PLCL1: variants seen among roughly 807,000 people sequenced by gnomAD.
PLCL1 encodes the protein inactive phospholipase C-like protein 1.
In PLCL1, 41 loss-of-function variants were observed where a neutral mutation model predicts 84.4. The observed-to-expected ratio is 0.49, with a 90% CI of 0.38 to 0.63. The LOEUF (loss-of-function observed/expected upper bound fraction) is 0.63. Among genes scored for constraint, PLCL1 ranks in the 30% least tolerant of loss-of-function variants. PLCL1 has a pLI of 0.00. For synonymous variants in PLCL1, 490 were observed against 488.3 expected, an observed-to-expected ratio of 1.00 and a Z score of -0.05; for missense variants, 1,206 against 1,367.8, an observed-to-expected ratio of 0.88 and a Z score of 1.87.
At chr2:197,850,934 C>A (rs1482120675) in intron 1 of PLCL1, among the ~76,000 whole-genome samples, 1 of 152,176 alleles carries the variant, frequency 6.6e-6, no homozygotes, top group African/African-American at 2.4e-5. Flanking sequence ...CAAACATTAT[C>A]ACAAACTTTC....
At chr2:197,950,317 C>T (rs1164400689) in intron 1 of PLCL1, among the ~76,000 whole-genome samples, 1 of 152,130 alleles carries the variant, frequency 6.6e-6, no homozygotes, top group Non-Finnish European at 1.5e-5. Context: ...ACCAGTTCTT[C>T]AGTTCCACAG....
chr2:197,911,449 GAA>G (rs1688483817), intron 1 of PLCL1, among the ~76,000 whole-genome samples: 1 of 152,032 alleles, frequency 6.6e-6, no homozygotes, highest in Non-Finnish European at 1.5e-5. Context: ...GGGAATATCT[GAA>G]AATCAAGTTT....
intron 5 of PLCL1, among the ~76,000 whole-genome samples, chr2:198,128,343 C>T (rs1003139037): frequency 1.3e-5 from 2 of 152,058 alleles, no homozygotes; most frequent in African/African-American, 4.8e-5. Flanking sequence ...AAGAATAATT[C>T]GCACAGAGCC....
intron 1 of PLCL1, among the ~76,000 whole-genome samples, chr2:197,922,591 G>C (rs1358366072): frequency 7.2e-6 from 1 of 138,890 alleles, no homozygotes; most frequent in Non-Finnish European, 1.6e-5. Context: ...AGGGGCAGCC[G>C]GGCAGAGGCG....
chr2:197,866,110 ATATATATATATAAAC>A lies in PLCL1; in HGVS notation c.240+60784_240+60798del, dbSNP rs1559029481. On this transcript the variant is annotated intron_variant, in intron 1 of 5. Coordinates refer to ENST00000428675, the MANE Select transcript of PLCL1 (RefSeq NM_006226.4). ...TATAAACTATATATATATATAAACT[ATATATATATATAAAC>A]TATATATATATATAAACTATATATA... Among the ~76,000 whole-genome samples the A allele has an allele frequency of 4.4e-4, 18 of 40,648 alleles. 3 individuals carry two copies. In the East Asian group the frequency reaches 6.8e-3, roughly 15 times the overall value. 26.7% of individuals were successfully genotyped at this position (40,648 alleles called of 152,430 possible). A position where few individuals can be genotyped will look rare whatever the true frequency, so the allele number is the denominator to read the frequency against.
At chr2:197,833,829 T>C (rs1691123545) in intron 1 of PLCL1, among the ~76,000 whole-genome samples, 1 of 152,148 alleles carries the variant, frequency 6.6e-6, no homozygotes, top group Admixed American at 6.5e-5. Context: ...AAATTTCATA[T>C]GGAACCAAAA....
chr2:197,851,489 T>C (rs1687235550), intron 1 of PLCL1, among the ~76,000 whole-genome samples: 1 of 152,230 alleles, frequency 6.6e-6, no homozygotes, highest in Non-Finnish European at 1.5e-5. Flanking sequence ...CAGTGGTCTT[T>C]ATTTGAAGAA....
intron 1 of PLCL1, among the ~76,000 whole-genome samples, chr2:197,973,264 T>G (rs771911728): frequency 9.8e-5 from 15 of 152,324 alleles, no homozygotes; most frequent in Non-Finnish European, 2.1e-4. Context: ...CCACCGTCTT[T>G]CCTTATGGGC....
At chr2:197,940,447 T>C (rs1034011460) in intron 1 of PLCL1, among the ~76,000 whole-genome samples, 19 of 152,236 alleles carry the variant, frequency 1.2e-4, no homozygotes, top group Admixed American at 1.1e-3. Flanking sequence ...TAGACTTTCC[T>C]TTCCAGATGA....
chr2:198,105,353 C>T (rs1322228218), intron 5 of PLCL1, among the ~76,000 whole-genome samples: 1 of 151,908 alleles, frequency 6.6e-6, no homozygotes, highest in Admixed American at 6.6e-5. Flanking sequence ...TCTGAGCTCT[C>T]TATTCTGTTC....
chr2:197,850,228 G>A (rs1257684551), intron 1 of PLCL1, among the ~76,000 whole-genome samples: 1 of 152,156 alleles, frequency 6.6e-6, no homozygotes, highest in Non-Finnish European at 1.5e-5. Flanking sequence ...TGCTCTAACT[G>A]TTTTGTTTTA....
intron 1 of PLCL1, among the ~76,000 whole-genome samples, chr2:197,817,450 AT>A (rs537750779): frequency 4.3e-4 from 65 of 151,666 alleles, no homozygotes; most frequent in Non-Finnish European, 8.1e-4. Context: ...CATTTATTTT[AT>A]TTTTTTTAGT....
intron 1 of PLCL1, among the ~76,000 whole-genome samples, chr2:197,918,590 A>T (rs1688639660): frequency 6.6e-6 from 1 of 152,152 alleles, no homozygotes; most frequent in South Asian, 2.1e-4. Context: ...AAAGTTTATT[A>T]TAAAAAATAA....
At chr2:197,936,378 A>C (rs1689056002) in intron 1 of PLCL1, among the ~76,000 whole-genome samples, 1 of 152,198 alleles carries the variant, frequency 6.6e-6, no homozygotes, top group South Asian at 2.1e-4. Flanking sequence ...TATTTCCACC[A>C]ACAATGTACA....
intron 1 of PLCL1, among the ~76,000 whole-genome samples, chr2:197,982,369 A>T (rs963035710): frequency 6.6e-6 from 1 of 152,120 alleles, no homozygotes; most frequent in Non-Finnish European, 1.5e-5. Flanking sequence ...TAAGTGTATA[A>T]TCTCAGAGGG....
chr2:198,106,202 T>C (rs534913986), intron 5 of PLCL1, among the ~76,000 whole-genome samples: 34 of 152,072 alleles, frequency 2.2e-4, no homozygotes, highest in Admixed American at 1.6e-3. Context: ...AATTTTAAGC[T>C]CAGGCAGTCT....
intron 5 of PLCL1, among the ~76,000 whole-genome samples, chr2:198,112,942 G>A (rs1024521876): frequency 1.3e-5 from 2 of 151,784 alleles, no homozygotes; most frequent in African/African-American, 4.8e-5. Flanking sequence ...AGAATGGATG[G>A]ATCACTTCTA....
At chr2:197,914,724 A>C (rs750470957) in intron 1 of PLCL1, among the ~76,000 whole-genome samples, 12 of 152,234 alleles carry the variant, frequency 7.9e-5, no homozygotes, top group Non-Finnish European at 1.2e-4. Context: ...TTATTAAATC[A>C]GTTAAGTCAA....
intron 1 of PLCL1, among the ~76,000 whole-genome samples, chr2:197,908,578 GTCC>G (rs1470423260): frequency 6.6e-6 from 1 of 152,106 alleles, no homozygotes; most frequent in African/African-American, 2.4e-5. Flanking sequence ...TGGCCACCAG[GTCC>G]TCATTTAATA....
Sources: gnomAD v4.1 joint callset for allele counts (sites outside exome capture counted in the v4.1 genomes callset) on GRCh38, gnomAD v4.1.1 for gene constraint, MANE v1.5 for transcripts, NCBI Gene and HGNC (gene_info 2026-07-23, HGNC 2026-07-21) for gene names.